SNTG1: variants seen among roughly 807,000 people sequenced by gnomAD.
SNTG1 encodes syntrophin gamma 1.
SNTG1 carries 39 observed loss-of-function variants against 74.7 expected under a neutral mutation model. That is an observed-to-expected ratio of 0.52 (90% confidence interval 0.40 to 0.68). The LOEUF (loss-of-function observed/expected upper bound fraction) is 0.68, where lower values mean the gene tolerates loss of function less well. SNTG1 is among the 30% of genes least tolerant of loss of function. SNTG1 has a pLI of 0.00. For synonymous variants in SNTG1, 254 were observed against 217.1 expected (o/e 1.17, Z -1.49); for missense variants, 685 against 609.5 (o/e 1.12, Z -1.30).
intron 2 of SNTG1, among the ~76,000 whole-genome samples, chr8:50,215,433 ATAGTC>A (rs1356195953): frequency 6.8e-6 from 1 of 147,298 alleles, no homozygotes; most frequent in Admixed American, 6.9e-5. Flanking sequence ...TTTTATATAT[ATAGTC>A]TATATATATG....
At chr8:50,145,175 G>A (rs1042836677) in intron 1 of SNTG1, among the ~76,000 whole-genome samples, 2 of 152,174 alleles carry the variant, frequency 1.3e-5, no homozygotes, top group African/African-American at 4.8e-5. Flanking sequence ...GCAGTGTTAG[G>A]AGAAAAGGGG....
chr8:50,359,819 T>C (rs2091911689), intron 2 of SNTG1, among the ~76,000 whole-genome samples: 1 of 152,188 alleles, frequency 6.6e-6, no homozygotes, highest in Non-Finnish European at 1.5e-5. Flanking sequence ...CTGCTTTCTG[T>C]TTGCATCTTT....
chr8:50,723,872 G>A (rs1585641784), intron 17 of SNTG1, among the ~76,000 whole-genome samples: 1 of 152,156 alleles, frequency 6.6e-6, no homozygotes, highest in Non-Finnish European at 1.5e-5. Flanking sequence ...CCCTAAGGCA[G>A]TAATATTTGT....
chr8:50,352,955 C>A (rs200767492), intron 2 of SNTG1, among the ~76,000 whole-genome samples: 1 of 152,026 alleles, frequency 6.6e-6, no homozygotes, highest in African/African-American at 2.4e-5. Context: ...CACACACACA[C>A]GTATGTTTAT....
At chr8:50,544,327 T>C (rs953380528) in intron 11 of SNTG1, among the ~76,000 whole-genome samples, 1 of 152,052 alleles carries the variant, frequency 6.6e-6, no homozygotes, top group African/African-American at 2.4e-5. Context: ...GGCATATTTT[T>C]GATATACTTA....
chr8:49,982,874 G>T (rs1282357275), intron 1 of SNTG1, among the ~76,000 whole-genome samples: 1 of 152,154 alleles, frequency 6.6e-6, no homozygotes, highest in Non-Finnish European at 1.5e-5. Context: ...GTATTAAATT[G>T]TGAGAGATGG....
rs888719757 is a variant in SNTG1, at chr8:50,586,881, T to G, written c.811-3998T>G. Among the ~76,000 whole-genome samples the G allele has an allele frequency of 8.5e-5, 13 of 152,078 alleles. 1 individual carries two copies. Among genetic ancestry groups the G allele is most frequent in the African/African-American group, 2.9e-4 (12 of 41,428 alleles). Reference sequence around the variant, plus strand: ...AGTAAAGATTAAACTAATTTTATTTTCTAATGATAAAAGTTATATTTCAAA... The same window carrying G: ...AGTAAAGATTAAACTAATTTTATTTGCTAATGATAAAAGTTATATTTCAAA... On this transcript the variant is annotated intron_variant, in intron 12 of 18. Transcript: ENST00000642720.
chr8:50,623,408 G>A (rs922675571), intron 13 of SNTG1, among the ~76,000 whole-genome samples: 1 of 152,024 alleles, frequency 6.6e-6, no homozygotes, highest in African/African-American at 2.4e-5. Context: ...TTTTTCAAAT[G>A]TAATTTTTCT....
At chr8:50,171,959 T>A (rs2082822495) in intron 1 of SNTG1, among the ~76,000 whole-genome samples, 1 of 152,144 alleles carries the variant, frequency 6.6e-6, no homozygotes, top group Non-Finnish European at 1.5e-5. Flanking sequence ...ACAGTTGAGT[T>A]CATGAGGGGC....
intron 13 of SNTG1, chr8:50,644,297 C>T (rs1003280385): frequency 2.6e-5 from 4 of 152,200 alleles, no homozygotes; most frequent in African/African-American, 7.2e-5. Context: ...GTTTGGACAT[C>T]GAGGGTCCAC....
At chr8:50,696,022 A>C (rs1248173087) in intron 15 of SNTG1, among the ~76,000 whole-genome samples, 2 of 151,840 alleles carry the variant, frequency 1.3e-5, no homozygotes, top group African/African-American at 2.4e-5. Context: ...TTCTATTTTT[A>C]TTTCTTTGAG....
chr8:50,648,775 A>T (rs576249892), intron 13 of SNTG1, among the ~76,000 whole-genome samples: 1 of 152,284 alleles, frequency 6.6e-6, no homozygotes, highest in East Asian at 1.9e-4. Flanking sequence ...AACAAGCTAC[A>T]TGTCAAAGAG....
intron 12 of SNTG1, among the ~76,000 whole-genome samples, chr8:50,568,227 T>TTGTTTGTGTGTATGTG (rs140888701): frequency 6.8e-6 from 1 of 146,282 alleles, no homozygotes; most frequent in Non-Finnish European, 1.5e-5. Flanking sequence ...TTGTCCATGT[T>TTGTTTGTGTGTATGTG]TGTGTGTGTG....
At chr8:50,720,441 A>G (rs964874765) in intron 17 of SNTG1, among the ~76,000 whole-genome samples, 9 of 152,198 alleles carry the variant, frequency 5.9e-5, no homozygotes, top group Admixed American at 2.6e-4. Flanking sequence ...ATGCTACATG[A>G]CTATTGCTAC....
chr8:49,934,296 T>G (rs1045735825), intron 1 of SNTG1, among the ~76,000 whole-genome samples: 3 of 143,248 alleles, frequency 2.1e-5, no homozygotes, highest in African/African-American at 5.3e-5. Flanking sequence ...TCTATCTATC[T>G]ATCTATCTAT....
intron 13 of SNTG1, among the ~76,000 whole-genome samples, chr8:50,599,930 A>T (rs551159183): frequency 7.9e-5 from 12 of 152,250 alleles, no homozygotes; most frequent in African/African-American, 2.2e-4. Flanking sequence ...TATTCATTAT[A>T]ATACTACCTT....
intron 1 of SNTG1, among the ~76,000 whole-genome samples, chr8:50,105,494 G>GT (rs71550212): frequency 0.027 from 4,120 of 150,802 alleles, 80 homozygotes; most frequent in Non-Finnish European, 0.038. Flanking sequence ...GTTTTGTTTT[G>GT]TTTTTTTTGC....
At chr8:50,190,437 C>G (rs2083529317) in intron 2 of SNTG1, among the ~76,000 whole-genome samples, 1 of 152,006 alleles carries the variant, frequency 6.6e-6, no homozygotes, top group Admixed American at 6.6e-5. Context: ...TTGTTGATAA[C>G]ATTGATAACA....
chr8:50,606,185 C>T (rs2094810962), intron 13 of SNTG1, among the ~76,000 whole-genome samples: 1 of 152,116 alleles, frequency 6.6e-6, no homozygotes, highest in Admixed American at 6.6e-5. Context: ...ACGTGAACAA[C>T]TTGTAGACTT....
Sources: allele counts gnomAD v4.1 joint callset (sites outside exome capture counted in the v4.1 genomes callset), GRCh38; gene constraint gnomAD v4.1.1; transcripts MANE v1.5; gene names NCBI Gene and HGNC (gene_info 2026-07-23, HGNC 2026-07-21).